GABRB2: variants seen among roughly 807,000 people sequenced by gnomAD.
The protein encoded by GABRB2 is gamma-aminobutyric acid type A receptor subunit beta2.
GABRB2 carries 16 observed loss-of-function variants against 54.7 expected under a neutral mutation model. That is an observed-to-expected ratio of 0.29 (90% CI 0.20 to 0.44). GABRB2 has a LOEUF of 0.44. Among genes scored for constraint, GABRB2 ranks in the 20% least tolerant of loss-of-function variants. GABRB2 has a pLI of 1.00. For synonymous variants in GABRB2, 244 were observed against 233.8 expected (o/e 1.04, Z -0.40); for missense variants, 355 against 644.0 (o/e 0.55, Z 4.86).
intron 3 of GABRB2, among the ~76,000 whole-genome samples, chr5:161,527,438 T>C (rs1459108302): frequency 6.6e-6 from 1 of 151,414 alleles, no homozygotes; most frequent in East Asian, 1.9e-4. Context: ...GTGTGGAGTT[T>C]TCAAAGTCTG....
At chr5:161,441,356 CTCAACA>C (rs1757460951) in intron 4 of GABRB2, among the ~76,000 whole-genome samples, 1 of 152,098 alleles carries the variant, frequency 6.6e-6, no homozygotes, top group Non-Finnish European at 1.5e-5. Context: ...TAAAAAGATT[CTCAACA>C]TCTCAGATCA....
intron 3 of GABRB2, among the ~76,000 whole-genome samples, chr5:161,494,900 C>T (rs1169547951): frequency 1.3e-5 from 2 of 151,788 alleles, no homozygotes; most frequent in African/African-American, 2.4e-5. Flanking sequence ...CAGAAATTCT[C>T]TCTATATAAG....
In GABRB2 at chr5:161,294,363, C is replaced by T. The variant is rs752546514; in HGVS notation, c.1257G>A (p.Glu419=). ...LEIKNEMATS[E]AVMGLGDPRS... ...TGGGGTCTCCAAGTCCCATCACAGC[C>T]TCAGATGTGGCCATTTCATTTTTTA... The change falls in exon 10 of 10, where the codon GAG becomes GAA. Residue 419 remains glutamate (E), a synonymous_variant. Transcript: ENST00000393959. 4.3e-6 allele frequency: 7 copies of T among 1,614,006 alleles called. No homozygotes were observed. The highest frequency in any genetic ancestry group is 4.5e-5 in the East Asian group (2 of 44,886).
At chr5:161,452,392 AG>A (rs539242731) in intron 4 of GABRB2, among the ~76,000 whole-genome samples, 217 of 152,348 alleles carry the variant, frequency 1.4e-3, no homozygotes, top group African/African-American at 5.0e-3. Flanking sequence ...ATTTTGGACA[AG>A]AATGCAGGTG....
intron 3 of GABRB2, among the ~76,000 whole-genome samples, chr5:161,503,723 A>G (rs996256359): frequency 1.1e-4 from 17 of 151,864 alleles, no homozygotes; most frequent in Admixed American, 8.5e-4. Flanking sequence ...AAAAAAAAAA[A>G]AAAAGTAAAA....
chr5:161,417,071 G>T lies in GABRB2; in HGVS notation c.459-6014C>A, dbSNP rs184614189. Among the ~76,000 whole-genome samples, 3 of 151,994 alleles carry T rather than the reference G, an allele frequency of 2.0e-5. No individual in the cohort carries two copies. In the East Asian group the frequency reaches 5.8e-4, roughly 29 times the overall value. On this transcript the variant is annotated intron_variant, in intron 4 of 9. Coordinates refer to ENST00000393959, the MANE Select transcript of GABRB2 (RefSeq NM_001371727.1). ...GCTCACCTGAGTCTTTTCCTCCAACGTCACTTCAAAAAATTCTTACTTTCA... is the reference window on the plus strand; with the variant it reads ...GCTCACCTGAGTCTTTTCCTCCAACTTCACTTCAAAAAATTCTTACTTTCA...
chr5:161,488,064 G>T (rs1758981502), intron 3 of GABRB2, among the ~76,000 whole-genome samples: 1 of 151,774 alleles, frequency 6.6e-6, no homozygotes, highest in African/African-American at 2.4e-5. Context: ...TTGATCAGGT[G>T]AATGGGATAA....
intron 5 of GABRB2, among the ~76,000 whole-genome samples, chr5:161,346,582 C>T (rs944662737): frequency 6.6e-6 from 1 of 152,110 alleles, no homozygotes; most frequent in African/African-American, 2.4e-5. Context: ...TTCTTTTGTA[C>T]ATCTTCACTG....
At chr5:161,491,601 T>G (rs1396281661) in intron 3 of GABRB2, among the ~76,000 whole-genome samples, 1 of 151,620 alleles carries the variant, frequency 6.6e-6, no homozygotes, top group Admixed American at 6.6e-5. Flanking sequence ...TTTTATTCAT[T>G]TGGGGAGGTG....
At chr5:161,369,171 G>T (rs1755059085) in intron 5 of GABRB2, among the ~76,000 whole-genome samples, 1 of 152,144 alleles carries the variant, frequency 6.6e-6, no homozygotes, top group African/African-American at 2.4e-5. Flanking sequence ...TTCTGATAAA[G>T]TTCCCGGTTT....
At chr5:161,391,561 T>A (rs1422954) in intron 5 of GABRB2, among the ~76,000 whole-genome samples, 112,765 of 152,040 alleles carry the variant, frequency 0.74, 42,341 homozygotes, top group South Asian at 0.86. Flanking sequence ...CTGAATTCTC[T>A]TATGGATTAG....
At chr5:161,523,652 T>A (rs146966967) in intron 3 of GABRB2, among the ~76,000 whole-genome samples, 29 of 151,768 alleles carry the variant, frequency 1.9e-4, no homozygotes, top group African/African-American at 7.0e-4. Context: ...CTAGCCATAA[T>A]TTCAGTGTAC....
Position 161,546,318 on chromosome 5 carries a change from T to G in GABRB2, c.169+4A>C, listed in dbSNP as rs754619031. On this transcript the variant is annotated splice_donor_region_variant and intron_variant, in intron 2 of 9. Transcript: ENST00000393959. ...TGGACTTATTTGCAAGGCAACCCCA[T>G]TACCTCCAAAATCTGGTCTCAGACG... The G allele has an allele frequency of 6.2e-7, 1 of 1,613,496 alleles. No individual in the cohort carries two copies. Among genetic ancestry groups the G allele is most frequent in the East Asian group, 2.2e-5 (1 of 44,880 alleles).
At chr5:161,322,445 A>G (rs775556671) in intron 9 of GABRB2, among the ~76,000 whole-genome samples, 128 of 152,286 alleles carry the variant, frequency 8.4e-4, no homozygotes, top group Non-Finnish European at 1.6e-3. Context: ...CATGTTGCCC[A>G]GGCTTGTCTT....
chr5:161,450,802 T>A (rs1757768760), intron 4 of GABRB2, among the ~76,000 whole-genome samples: 1 of 152,172 alleles, frequency 6.6e-6, no homozygotes. Context: ...ACATATTTTT[T>A]AAAAAGGTAA....
At chr5:161,321,849 C>T (rs1243987960) in intron 9 of GABRB2, among the ~76,000 whole-genome samples, 1 of 152,016 alleles carries the variant, frequency 6.6e-6, no homozygotes, top group Non-Finnish European at 1.5e-5. Flanking sequence ...AATCTTGGAA[C>T]CCATTACATC....
intron 3 of GABRB2, among the ~76,000 whole-genome samples, chr5:161,523,550 G>T (rs755761313): frequency 5.9e-5 from 9 of 151,404 alleles, no homozygotes; most frequent in Non-Finnish European, 1.2e-4. Flanking sequence ...GAAAGTTAAG[G>T]TTAAGTTGAG....
At chr5:161,509,806 A>G (rs1323551977) in intron 3 of GABRB2, among the ~76,000 whole-genome samples, 4 of 151,928 alleles carry the variant, frequency 2.6e-5, no homozygotes, top group African/African-American at 4.8e-5. Flanking sequence ...CTATCTTAGG[A>G]AAGGCCACTA....
chr5:161,340,274 T>C (rs1328535330), intron 5 of GABRB2, among the ~76,000 whole-genome samples: 2 of 152,080 alleles, frequency 1.3e-5, no homozygotes, highest in Non-Finnish European at 2.9e-5. Flanking sequence ...CAGTGTTTGC[T>C]AGGCAATACC....
Sources: gnomAD v4.1 joint callset for allele counts (sites outside exome capture counted in the v4.1 genomes callset) on GRCh38, gnomAD v4.1.1 for gene constraint, MANE v1.5 for transcripts, NCBI Gene and HGNC (gene_info 2026-07-23, HGNC 2026-07-21) for gene names.